Variants in PTPRC observed in about 807,000 individuals in gnomAD.
PTPRC encodes protein tyrosine phosphatase receptor type C.
Under a neutral mutation model 155.9 loss-of-function variants are expected in PTPRC, and 44 were observed. The observed-to-expected ratio is 0.28, with a 90% CI of 0.22 to 0.36. PTPRC has a LOEUF of 0.36. Ranked by LOEUF, PTPRC falls within the 10% of genes least tolerant of loss-of-function variation. PTPRC has a pLI of 1.00. For missense variants in PTPRC, 1,401 were observed against 1,564.6 expected (o/e 0.90, Z 1.76); for synonymous variants, 525 against 533.1 (o/e 0.98, Z 0.21).
At chr1:198,743,969 A>T (rs921574373) in intron 25 of PTPRC, 85 bp from the exon 26 acceptor site, 217 of 1,326,940 alleles carry the variant, frequency 1.6e-4, no homozygotes, top group Admixed American at 2.1e-4. Flanking sequence ...GAGCAAATTT[A>T]TGGGGAATGT....
chr1:198,706,592 T>C (rs1652982131), intron 8 of PTPRC, 142 bp from the exon 9 acceptor site: 2 of 829,056 alleles, frequency 2.4e-6, no homozygotes, highest in African/African-American at 1.7e-5. Context: ...ACGAAAAAAA[T>C]GATATGGAGG....
chr1:198,754,459 G>A (rs1318242233), intron 32 of PTPRC, 55 bp downstream of exon 32: 8 of 1,590,696 alleles, frequency 5.0e-6, no homozygotes, highest in African/African-American at 1.4e-5. Flanking sequence ...TTTTCTTTTT[G>A]ACGGTTTCCT....
chr1:198,721,995 G>T (rs998733428), intron 14 of PTPRC, among the ~76,000 whole-genome samples: 6 of 150,496 alleles, frequency 4.0e-5, no homozygotes, highest in African/African-American at 1.5e-4. Flanking sequence ...ATATCCATTT[G>T]CCCTTAAAAA....
intron 2 of PTPRC, among the ~76,000 whole-genome samples, chr1:198,681,159 GA>G (rs1350463615): frequency 9.9e-5 from 15 of 151,374 alleles, no homozygotes; most frequent in African/African-American, 3.4e-4. Flanking sequence ...GAAGTTAAAT[GA>G]AAAGGATCTC....
chr1:198,662,479 A>T (rs1326277), intron 2 of PTPRC, among the ~76,000 whole-genome samples: 76 of 39,906 alleles, frequency 1.9e-3, no homozygotes, highest in South Asian at 6.4e-3. Flanking sequence ...TGTGTGTGTG[A>T]GAGTGTGTGT....
At chr1:198,697,139 G>A (rs1030048933) in intron 4 of PTPRC, among the ~76,000 whole-genome samples, 2 of 152,150 alleles carry the variant, frequency 1.3e-5, no homozygotes, top group African/African-American at 4.8e-5. Context: ...AGATCTCCAA[G>A]GACAATCAGG....
At chr1:198,727,402 G>A (rs181876847) in intron 15 of PTPRC, among the ~76,000 whole-genome samples, 89 of 152,134 alleles carry the variant, frequency 5.9e-4, no homozygotes, top group African/African-American at 2.0e-3. Context: ...TTTTCTTTAT[G>A]TAGATATCCT....
intron 2 of PTPRC, among the ~76,000 whole-genome samples, chr1:198,689,911 G>A (rs981485200): frequency 9.2e-5 from 14 of 152,046 alleles, no homozygotes; most frequent in African/African-American, 3.1e-4. Context: ...TGTGTTTTAT[G>A]GGTTATAAGC....
At chr1:198,657,997 A>G (rs1336243390) in intron 2 of PTPRC, among the ~76,000 whole-genome samples, 3 of 152,200 alleles carry the variant, frequency 2.0e-5, no homozygotes, top group African/African-American at 7.2e-5. Flanking sequence ...GCAACAGTAC[A>G]GGTTTTTCAC....
chr1:198,726,461 T>C (rs1204722937), intron 15 of PTPRC, among the ~76,000 whole-genome samples: 1 of 152,150 alleles, frequency 6.6e-6, no homozygotes, highest in Non-Finnish European at 1.5e-5. Flanking sequence ...AAATACCCCT[T>C]TAAAGGAGAT....
At chr1:198,734,624 C>A (rs1272288391) in intron 22 of PTPRC, among the ~76,000 whole-genome samples, 199 bp downstream of exon 22, 1 of 151,686 alleles carries the variant, frequency 6.6e-6, no homozygotes, top group African/African-American at 2.4e-5. Flanking sequence ...TGTCTATATG[C>A]ATAAAATTTC....
At chr1:198,698,999 C>G (rs1666338639) in intron 4 of PTPRC, among the ~76,000 whole-genome samples, 1 of 152,108 alleles carries the variant, frequency 6.6e-6, no homozygotes, top group Non-Finnish European at 1.5e-5. Flanking sequence ...TTTTCAAACA[C>G]TAGATATTAT....
At chr1:198,736,453 G>A (rs992965243) in intron 23 of PTPRC, among the ~76,000 whole-genome samples, 4 of 151,604 alleles carry the variant, frequency 2.6e-5, no homozygotes, top group African/African-American at 9.7e-5. Context: ...GTATTTCTGT[G>A]TCTGGCTTAT....
intron 23 of PTPRC, among the ~76,000 whole-genome samples, chr1:198,738,009 A>G (rs1654727558): frequency 6.6e-6 from 1 of 151,822 alleles, no homozygotes; most frequent in South Asian, 2.1e-4. Flanking sequence ...TTGATTTTAT[A>G]TCTCATGACC....
chr1:198,755,775 A>C, intron 32 of PTPRC, 131 bp from the exon 33 acceptor site: 2 of 969,796 alleles, frequency 2.1e-6, no homozygotes, highest in Non-Finnish European at 3.2e-6. Flanking sequence ...TTATGAGAAC[A>C]TATCAAAAAG....
At chr1:198,677,268 T>C (rs1665008043) in intron 2 of PTPRC, among the ~76,000 whole-genome samples, 2 of 152,206 alleles carry the variant, frequency 1.3e-5, no homozygotes, top group Admixed American at 1.3e-4. Context: ...TACTGAAAGC[T>C]CTATAATAAT....
intron 13 of PTPRC, among the ~76,000 whole-genome samples, chr1:198,717,071 C>G (rs1653628986): frequency 6.6e-6 from 1 of 152,194 alleles, no homozygotes; most frequent in Non-Finnish European, 1.5e-5. Context: ...ATAAAAGCAT[C>G]TTAATTGGCA....
chr1:198,685,388 A>G (rs1015090034), intron 2 of PTPRC, among the ~76,000 whole-genome samples: 3 of 151,868 alleles, frequency 2.0e-5, no homozygotes, highest in Non-Finnish European at 4.4e-5. Context: ...AAAAATACAT[A>G]TATATTATAT....
chr1:198,647,798 A>G (rs1221151543), intron 2 of PTPRC, among the ~76,000 whole-genome samples: 1 of 151,842 alleles, frequency 6.6e-6, no homozygotes, highest in Admixed American at 6.6e-5. Flanking sequence ...TTGATAAACA[A>G]CTATTTTGTG....
Sources: allele counts gnomAD v4.1 joint callset (sites outside exome capture counted in the v4.1 genomes callset), GRCh38; gene constraint gnomAD v4.1.1; transcripts MANE v1.5; gene names NCBI Gene and HGNC (gene_info 2026-07-23, HGNC 2026-07-21).